Variants in WWOX observed in about 807,000 individuals in gnomAD.
The protein encoded by WWOX is WW domain-containing oxidoreductase.
In WWOX, 69 loss-of-function variants were observed where a neutral mutation model predicts 46.2. The observed-to-expected ratio is 1.49, with a 90% CI of 1.23 to 1.82. WWOX has a LOEUF of 1.82. WWOX is among the 40% of genes most tolerant of loss of function. The pLI is 0.00. For synonymous variants in WWOX, 359 were observed against 202.6 expected, an observed-to-expected ratio of 1.77 and a Z score of -6.56; for missense variants, 919 against 542.6, an observed-to-expected ratio of 1.69 and a Z score of -6.89.
chr16:78,101,120 T>A (rs1029996529), intron 1 of WWOX, among the ~76,000 whole-genome samples: 10 of 151,726 alleles, frequency 6.6e-5, no homozygotes, highest in African/African-American at 2.4e-4. Flanking sequence ...CGATCTCGGC[T>A]CACTGCAGCC....
At chr16:79,138,900 G>C (rs766985573) in intron 8 of WWOX, among the ~76,000 whole-genome samples, 1 of 152,288 alleles carries the variant, frequency 6.6e-6, no homozygotes, top group South Asian at 2.1e-4. Flanking sequence ...AGCACAGCAG[G>C]CTGGATGCCA....
chr16:78,867,649 TC>T (rs1468448559), intron 8 of WWOX, among the ~76,000 whole-genome samples: 1 of 152,074 alleles, frequency 6.6e-6, no homozygotes, highest in Admixed American at 6.6e-5. Flanking sequence ...CAAGAGAGTC[TC>T]CCACCTCAGC....
intron 6 of WWOX, among the ~76,000 whole-genome samples, chr16:78,402,115 T>A (rs2082426856): frequency 6.6e-6 from 1 of 152,230 alleles, no homozygotes; most frequent in South Asian, 2.1e-4. Context: ...AGAAATCTCA[T>A]AACAATTAGC....
intron 8 of WWOX, among the ~76,000 whole-genome samples, chr16:79,134,740 T>G (rs1377194731): frequency 6.6e-6 from 1 of 152,216 alleles, no homozygotes; most frequent in African/African-American, 2.4e-5. Flanking sequence ...GTAACTCAGC[T>G]AAGTCTGTAC....
At chr16:78,205,931 C>G (rs1481215170) in intron 5 of WWOX, among the ~76,000 whole-genome samples, 1 of 146,464 alleles carries the variant, frequency 6.8e-6, no homozygotes, top group Non-Finnish European at 1.5e-5. Context: ...CCTTCCTTCT[C>G]TTTCTTTCTT....
intron 8 of WWOX, among the ~76,000 whole-genome samples, chr16:78,494,283 A>T (rs1001765222): frequency 6.6e-6 from 1 of 152,170 alleles, no homozygotes; most frequent in South Asian, 2.1e-4. Context: ...TTAGCCCCCT[A>T]TGCAGCACAC....
Position 78,285,082 on chromosome 16 carries a change from G to A in WWOX, c.517-101778G>A, listed in dbSNP as rs146762050. ...GGGCACTTCTGAAAAGGGGCAAAGT[G>A]CATCTGCTTCTGCTTTGTTTATAGA... On this transcript the variant is annotated intron_variant, in intron 5 of 8. Coordinates refer to ENST00000566780, the MANE Select transcript of WWOX (RefSeq NM_016373.4). 6.5e-4 allele frequency among the ~76,000 whole-genome samples: 99 copies of A among 152,256 alleles called. 1 individual carries two copies. The highest frequency in any genetic ancestry group is 1.9e-3 in the African/African-American group (81 of 41,542).
intron 8 of WWOX, among the ~76,000 whole-genome samples, chr16:78,934,147 A>T (rs1275125816): frequency 6.6e-6 from 1 of 151,838 alleles, no homozygotes; most frequent in Non-Finnish European, 1.5e-5. Context: ...CATCCTGGCT[A>T]ACGTGGTGAA....
chr16:79,044,199 G>A (rs987297712), intron 8 of WWOX, among the ~76,000 whole-genome samples: 2 of 152,178 alleles, frequency 1.3e-5, no homozygotes, highest in Admixed American at 1.3e-4. Context: ...CCACAGTGTA[G>A]GCATTCAACA....
intron 8 of WWOX, among the ~76,000 whole-genome samples, chr16:78,458,397 A>G (rs950664376): frequency 6.4e-4 from 97 of 151,612 alleles, no homozygotes; most frequent in African/African-American, 2.3e-3. Context: ...AGTAGCTGGG[A>G]CTATTGGCAA....
Position 79,212,365 on chromosome 16 carries a change from T to TAGAATA in WWOX, c.*570_*575dup. On this transcript the variant is annotated 3_prime_UTR_variant, in exon 9 of 9. Coordinates refer to ENST00000566780, the MANE Select transcript of WWOX (RefSeq NM_016373.4). Reference sequence around the variant, plus strand: ...GGATGACAGTGACACCCAGAGGGAGTAGAATACGCAGAACTACCAGGTGGC... The same window carrying TAGAATA: ...GGATGACAGTGACACCCAGAGGGAGTAGAATAAGAATACGCAGAACTACCAGGTGGC... The TAGAATA allele has an allele frequency of 1.8e-6, 1 of 555,956 alleles. No homozygotes were observed. The highest frequency in any genetic ancestry group is 3.1e-6 in the Non-Finnish European group (1 of 326,860). 34.4% of individuals were successfully genotyped at this position (555,956 alleles called of 1,614,324 possible).
chr16:78,762,635 G>T (rs910595681), intron 8 of WWOX, among the ~76,000 whole-genome samples: 1 of 152,176 alleles, frequency 6.6e-6, no homozygotes, highest in African/African-American at 2.4e-5. Flanking sequence ...TGCTTCCCAG[G>T]GAGACTGCCC....
rs181806055 is a variant in WWOX at position 79,130,698 on chromosome 16, T to G, written c.1057-80910T>G. ...GAAACAATGACTAATTAGACCCTAA[T>G]GAAGTGCTGCGGTACTGGCGTCCTT... is the stretch of plus-strand genomic sequence containing the variant. On this transcript the variant is annotated intron_variant, in intron 8 of 8. Transcript: ENST00000566780. Among the ~76,000 whole-genome samples, 38 of 152,360 alleles carry G rather than the reference T, an allele frequency of 2.5e-4. 1 individual carries two copies. Among genetic ancestry groups the G allele is most frequent in the South Asian group, 1.7e-3 (8 of 4,828 alleles).
intron 5 of WWOX, among the ~76,000 whole-genome samples, chr16:78,171,160 T>TA (rs762696011): frequency 2.0e-5 from 3 of 152,220 alleles, no homozygotes; most frequent in Non-Finnish European, 2.9e-5. Flanking sequence ...TTTTCATAGA[T>TA]ACTGACACCT....
At chr16:78,941,420 T>G (rs901363303) in intron 8 of WWOX, among the ~76,000 whole-genome samples, 6 of 152,100 alleles carry the variant, frequency 3.9e-5, no homozygotes, top group African/African-American at 7.2e-5. Context: ...CGTTAGCCGT[T>G]GCTCCTCGTA....
chr16:79,172,737 C>T (rs932151870), intron 8 of WWOX, among the ~76,000 whole-genome samples: 16 of 152,046 alleles, frequency 1.1e-4, no homozygotes, highest in African/African-American at 3.9e-4. Flanking sequence ...AACCTAAATG[C>T]CTTCACGGCC....
chr16:79,035,269 T>G (rs1259971135), intron 8 of WWOX, among the ~76,000 whole-genome samples: 1 of 152,210 alleles, frequency 6.6e-6, no homozygotes, highest in Admixed American at 6.5e-5. Context: ...GCCCTGGCTC[T>G]ACTCCTGGAA....
At chr16:79,157,654 C>G (rs1449322604) in intron 8 of WWOX, among the ~76,000 whole-genome samples, 2 of 152,126 alleles carry the variant, frequency 1.3e-5, no homozygotes, top group Admixed American at 6.6e-5. Flanking sequence ...ACCAGCAGAT[C>G]AGGAGACAAT....
In WWOX at chr16:78,815,599, T is replaced by C. The variant is rs532480865; in HGVS notation, c.1056+382847T>C. Among the ~76,000 whole-genome samples, 6 of 152,232 alleles carry C rather than the reference T, an allele frequency of 3.9e-5. No individual in the cohort carries two copies. The East Asian group carries it at 1.2e-3, about 29-fold the overall frequency. On this transcript the variant is annotated intron_variant, in intron 8 of 8. Coordinates refer to ENST00000566780, the MANE Select transcript of WWOX (RefSeq NM_016373.4). Reference sequence around the variant, plus strand: ...GTAAGCTGTCCTCCAAAACACACATTTATGGGGGCAGAGGGAGTCTCTCTG... The same window carrying C: ...GTAAGCTGTCCTCCAAAACACACATCTATGGGGGCAGAGGGAGTCTCTCTG...
Sources: gnomAD v4.1 joint callset for allele counts (sites outside exome capture counted in the v4.1 genomes callset) on GRCh38, gnomAD v4.1.1 for gene constraint, MANE v1.5 for transcripts, NCBI Gene and HGNC (gene_info 2026-07-23, HGNC 2026-07-21) for gene names.